The following ASB15 variants were observed in gnomAD, a reference collection of about 807,000 sequenced individuals.
ASB15 encodes the protein ankyrin repeat and SOCS box containing 15.
Under a neutral mutation model 58.0 loss-of-function variants are expected in ASB15, and 54 were observed. The ratio of observed to expected loss-of-function variants is 0.93; its 90% confidence interval spans 0.75 to 1.17. The LOEUF is 1.17. Among genes scored for constraint, ASB15 ranks in the 50% most tolerant of loss-of-function variants. ASB15 has a pLI of 0.00. For synonymous variants in ASB15, 249 were observed against 262.4 expected (o/e 0.95, Z 0.50); for missense variants, 680 against 707.4 (o/e 0.96, Z 0.44).
chr7:123,614,359 TG>T (rs750094680), intron 3 of ASB15, 141 bp from the exon 4 acceptor site: 29 of 608,218 alleles, frequency 4.8e-5, no homozygotes, highest in Non-Finnish European at 8.0e-5. Flanking sequence ...TGGATTAAAA[TG>T]TTACCCACAT....
intron 2 of ASB15, among the ~76,000 whole-genome samples, chr7:123,606,061 T>G (rs998191237): frequency 1.3e-5 from 2 of 152,212 alleles, no homozygotes; most frequent in Non-Finnish European, 1.5e-5. Context: ...AGGTAATCAA[T>G]GTAGTCAAAA....
At chr7:123,633,139 G>T (rs762509523) in intron 11 of ASB15, among the ~76,000 whole-genome samples, 1 of 152,060 alleles carries the variant, frequency 6.6e-6, no homozygotes, top group Non-Finnish European at 1.5e-5. Flanking sequence ...AATGATTAGC[G>T]AGATATCACC....
chr7:123,575,674 C>T (rs1040581600), intron 1 of ASB15, among the ~76,000 whole-genome samples: 8 of 151,996 alleles, frequency 5.3e-5, no homozygotes, highest in Admixed American at 3.3e-4. Context: ...CTTTGAAGGA[C>T]AGCTTGACTA....
At chr7:123,616,124 A>C in intron 4 of ASB15, 97 bp from the exon 5 acceptor site, 1 of 1,060,060 alleles carries the variant, frequency 9.4e-7, no homozygotes, top group Non-Finnish European at 1.4e-6. Flanking sequence ...TTGATTATTA[A>C]AATTAAGTTT....
chr7:123,569,973 A>G (rs766232510), intron 1 of ASB15, among the ~76,000 whole-genome samples: 1 of 150,686 alleles, frequency 6.6e-6, no homozygotes, highest in Non-Finnish European at 1.5e-5. Context: ...AAACTGCACT[A>G]TGATGGGATA....
chr7:123,624,784 T>A lies in ASB15; in HGVS notation c.667T>A (p.Cys223Ser), dbSNP rs1431485483. 1 of 1,613,946 alleles carries A rather than the reference T, an allele frequency of 6.2e-7. No homozygotes were observed. Among genetic ancestry groups the A allele is most frequent in the Non-Finnish European group, 8.5e-7 (1 of 1,179,940 alleles). Residue 223 changes from cysteine to serine, a missense_variant, in exon 8 of 12, where the codon TGT (cysteine) becomes AGT (serine). Transcript: ENST00000451215. ...AGGCGTCGCTGCCGAGTATGGTCAC[T>A]GTGACGTGTTAGAACATCTAATCCA... ...PLGVAAEYGH[C>S]DVLEHLIHKG...
intron 1 of ASB15, among the ~76,000 whole-genome samples, chr7:123,569,933 A>G (rs1187070727): frequency 6.6e-6 from 1 of 151,062 alleles, no homozygotes; most frequent in Admixed American, 6.6e-5. Context: ...GCAAATAATG[A>G]TTGTTATTAT....
chr7:123,570,029 C>CTTTTTT (rs5887142), intron 1 of ASB15, among the ~76,000 whole-genome samples: 6 of 88,176 alleles, frequency 6.8e-5, no homozygotes, highest in Non-Finnish European at 1.3e-4. Flanking sequence ...ACTGCCATAG[C>CTTTTTT]TTTTTTTTTT....
chr7:123,593,126 A>G (rs1799589436), intron 1 of ASB15, among the ~76,000 whole-genome samples: 1 of 151,970 alleles, frequency 6.6e-6, no homozygotes, highest in Admixed American at 6.6e-5. Flanking sequence ...TTTGTTTGGT[A>G]GATCTTACTC....
At chr7:123,623,329 A>G (rs1341416006) in intron 7 of ASB15, among the ~76,000 whole-genome samples, 1 of 151,892 alleles carries the variant, frequency 6.6e-6, no homozygotes, top group Non-Finnish European at 1.5e-5. Flanking sequence ...ACTTAAAAGG[A>G]AAAAAAAGTT....
Position 123,629,378 on chromosome 7 carries a change from G to C in ASB15, c.1384G>C (p.Glu462Gln). ...DIFGNSFVWS[E>Q]IQEEVLPGWT... The stretch of plus-strand genomic sequence containing the variant: ...CTTTGGAAATTCATTTGTGTGGTCA[G>C]AGATACAGGAAGAGGTGCTGCCAGG... Residue 462 changes from glutamate (E) to glutamine (Q), a missense_variant, in exon 10 of 12, where the codon GAG becomes CAG. Transcript: ENST00000451215. 6.2e-7 allele frequency: 1 copy of C among 1,613,800 alleles called. No individual in the cohort carries two copies. Among genetic ancestry groups the C allele is most frequent in the Non-Finnish European group, 8.5e-7 (1 of 1,179,980 alleles).
chr7:123,587,062 G>T (rs1210044641), intron 1 of ASB15, among the ~76,000 whole-genome samples: 3 of 151,330 alleles, frequency 2.0e-5, no homozygotes, highest in Non-Finnish European at 4.4e-5. Flanking sequence ...GTCTTTTTTG[G>T]TTCCATACAA....
At position 123,614,546 on chromosome 7, in the gene ASB15, A is replaced by G. The variant is rs1800677535; in HGVS notation, c.44A>G (p.Tyr15Cys). 1.2e-6 allele frequency: 2 copies of G among 1,611,076 alleles called. No homozygotes were observed. The highest frequency in any genetic ancestry group is 2.7e-5 in the African/African-American group (2 of 74,858). The stretch of plus-strand genomic sequence containing the variant: ...CCTGATGAAGACCATCTTACAAGTT[A>G]TGATATTCAGCTAAGTATTCAAGAA... ...DDPDEDHLTS[Y>C]DIQLSIQESI... is the part of the protein sequence containing the mutation. The change falls in exon 4 of 12, where the codon TAT becomes TGT. Residue 15 changes from tyrosine to cysteine, a missense_variant. Tyr to Cys is a radical substitution (Grantham distance 194). Coordinates refer to ENST00000451215, the MANE Select transcript of ASB15 (RefSeq NM_001290258.2).
Position 123,636,948 on chromosome 7 carries a change from T to A in ASB15, c.1734T>A (p.Tyr578Ter), listed in dbSNP as rs140369638. 3,066 of 1,575,646 alleles carry A rather than the reference T, an allele frequency of 1.9e-3. 6 individuals are homozygous for A. The highest frequency in any genetic ancestry group is 2.4e-3 in the Non-Finnish European group (2,712 of 1,146,880). Residue 578 changes from tyrosine (Y) to a stop codon, truncating the protein, a stop_gained, in exon 12 of 12, where the codon TAT becomes TAA. Transcript: ENST00000451215. LOFTEE classifies it high-confidence loss of function. ...AIQRYILFKE[Y>*]DLYGQELKLT is the part of the protein sequence containing the mutation. ...AAAGATACATATTATTTAAAGAGTATGATCTCTATGGACAAGAGCTAAAAT... is the reference window on the plus strand; with the variant it reads ...AAAGATACATATTATTTAAAGAGTAAGATCTCTATGGACAAGAGCTAAAAT...
chr7:123,611,659 A>T (rs1276870983), intron 3 of ASB15, among the ~76,000 whole-genome samples: 2 of 152,202 alleles, frequency 1.3e-5, no homozygotes, highest in African/African-American at 4.8e-5. Flanking sequence ...TAGATAAAGA[A>T]GTTACTCTTA....
chr7:123,610,615 G>A (rs929024946), intron 3 of ASB15, among the ~76,000 whole-genome samples: 2 of 152,114 alleles, frequency 1.3e-5, no homozygotes, highest in Non-Finnish European at 2.9e-5. Flanking sequence ...CCCTAAAATC[G>A]CATGCAAAAT....
intron 7 of ASB15, among the ~76,000 whole-genome samples, chr7:123,624,072 A>G (rs1185346608): frequency 6.6e-6 from 1 of 152,128 alleles, no homozygotes; most frequent in East Asian, 1.9e-4. Context: ...GCAAGGGGAA[A>G]AAACCCTGTT....
chr7:123,605,783 G>A (rs999855183), intron 2 of ASB15, among the ~76,000 whole-genome samples: 1 of 152,066 alleles, frequency 6.6e-6, no homozygotes, highest in Non-Finnish European at 1.5e-5. Flanking sequence ...TTACAAGTAG[G>A]AACTAAACTG....
chr7:123,569,754 A>G (rs1798855149), intron 1 of ASB15, among the ~76,000 whole-genome samples: 1 of 152,232 alleles, frequency 6.6e-6, no homozygotes, highest in African/African-American at 2.4e-5. Flanking sequence ...TGCATAGTGT[A>G]GCTGTGGTGG....
Sources: allele counts gnomAD v4.1 joint callset (sites outside exome capture counted in the v4.1 genomes callset), GRCh38; gene constraint gnomAD v4.1.1; transcripts MANE v1.5; gene names NCBI Gene and HGNC (gene_info 2026-07-23, HGNC 2026-07-21).